Variants in NDE1 observed in about 807,000 individuals in gnomAD.
The protein encoded by NDE1 is nuclear distribution protein nudE homolog 1.
NDE1 carries 28 observed loss-of-function variants against 43.4 expected under a neutral mutation model. The observed-to-expected ratio is 0.65, with a 90% CI of 0.48 to 0.89. The LOEUF is 0.89. Ranked by LOEUF, NDE1 falls within the 40% of genes least tolerant of loss-of-function variation. NDE1 has a pLI of 0.00. For missense variants in NDE1, 441 were observed against 434.1 expected, an observed-to-expected ratio of 1.02 and a Z score of -0.14; for synonymous variants, 184 against 172.0, an observed-to-expected ratio of 1.07 and a Z score of -0.55.
rs555826994 is a variant in NDE1 at position 15,699,740 on chromosome 16, G to A, written c.947+2880G>A. ...TGCTCTGTCTGAAGGTTGGGGAAGC[G>A]CCTGGAATTTGGGAAGCCGCCTTCA... On this transcript the variant is annotated intron_variant, in intron 8 of 8. Transcript: ENST00000396354. 2.4e-5 allele frequency: 32 copies of A among 1,351,082 alleles called. 1 individual carries two copies. The South Asian group carries it at 2.4e-4, about 10-fold the overall frequency. The allele number at this position is 1,351,082 out of a possible 1,614,324, so 83.7% of individuals were successfully genotyped here. A position where few individuals can be genotyped will look rare whatever the true frequency, so the allele number is the denominator to read the frequency against.
chr16:15,668,098 G>A lies in NDE1; in HGVS notation c.237+659G>A, dbSNP rs530678084. Among the ~76,000 whole-genome samples, 3 of 152,094 alleles carry A rather than the reference G, an allele frequency of 2.0e-5. No individual in the cohort carries two copies. The East Asian group carries it at 5.8e-4, about 30-fold the overall frequency. On this transcript the variant is annotated intron_variant, in intron 3 of 8. Coordinates refer to ENST00000396354, the MANE Select transcript of NDE1 (RefSeq NM_017668.3). ...TCTCACCTGGGCCGGGCGAGGTGGT[G>A]CATACCTGTAATCCCAGCACTTTGG...
At chr16:15,645,314 C>G (rs1331950530), upstream of NDE1, among the ~76,000 whole-genome samples, 1 of 152,108 alleles carries the variant, frequency 6.6e-6, no homozygotes, top group African/African-American at 2.4e-5. Flanking sequence ...AAAGCTGTAA[C>G]TAGTCACAAC....
Position 15,724,538 on chromosome 16 carries a change from G to A in NDE1, c.*287G>A. 1.2e-6 allele frequency: 2 copies of A among 1,606,494 alleles called. No individual in the cohort carries two copies. Among genetic ancestry groups the A allele is most frequent in the East Asian group, 2.2e-5 (1 of 44,846 alleles). On this transcript the variant is annotated 3_prime_UTR_variant, in exon 9 of 9. Coordinates refer to ENST00000396354, the MANE Select transcript of NDE1 (RefSeq NM_017668.3). Reference sequence around the variant, plus strand: ...GAAACCCAATAGCAGGGGAAGCTGGGGGGTCAAGCACCATCGCACCAACAC... The same window carrying A: ...GAAACCCAATAGCAGGGGAAGCTGGAGGGTCAAGCACCATCGCACCAACAC...
intron 3 of NDE1, among the ~76,000 whole-genome samples, chr16:15,674,321 G>A (rs2037754081): frequency 6.6e-6 from 1 of 151,900 alleles, no homozygotes; most frequent in South Asian, 2.1e-4. Context: ...TCTGCTCACT[G>A]CAACCTCCGC....
chr16:15,685,168 CTT>C (rs567941912), intron 4 of NDE1, among the ~76,000 whole-genome samples: 266 of 152,290 alleles, frequency 1.7e-3, no homozygotes, highest in African/African-American at 6.1e-3. Context: ...AATATTTTAT[CTT>C]TGATATGTCA....
chr16:15,704,535 G>A (rs2039346400), intron 8 of NDE1, among the ~76,000 whole-genome samples: 1 of 152,216 alleles, frequency 6.6e-6, no homozygotes, highest in African/African-American at 2.4e-5. Flanking sequence ...CCATGGGGCA[G>A]AGTTGAAGAG....
chr16:15,674,659 A>T (rs140076895), intron 3 of NDE1, among the ~76,000 whole-genome samples: 3 of 152,288 alleles, frequency 2.0e-5, no homozygotes, highest in Admixed American at 6.5e-5. Flanking sequence ...AACCAAGTAC[A>T]TGCTGCTCTC....
chr16:15,683,696 A>G (rs1300860403), intron 4 of NDE1, among the ~76,000 whole-genome samples: 2 of 152,178 alleles, frequency 1.3e-5, no homozygotes, highest in Non-Finnish European at 2.9e-5. Flanking sequence ...TTTTCACTCC[A>G]GTTACAACTA....
chr16:15,682,507 C>G (rs34079460), intron 4 of NDE1, among the ~76,000 whole-genome samples: 1 of 152,184 alleles, frequency 6.6e-6, no homozygotes, highest in African/African-American at 2.4e-5. Flanking sequence ...TTCTTCTATA[C>G]GTCCCTCAAA....
chr16:15,691,025 C>G (rs1011975099), intron 5 of NDE1, 119 bp from the exon 6 acceptor site: 7 of 1,196,072 alleles, frequency 5.9e-6, no homozygotes, highest in Non-Finnish European at 7.3e-6. Flanking sequence ...TCAGGCTGGT[C>G]TCGAACTCCT....
At chr16:15,708,753 AG>A in intron 8 of NDE1, 1 of 1,573,538 alleles carries the variant, frequency 6.4e-7, no homozygotes, top group Admixed American at 1.9e-5. Context: ...TGGGCAGAAA[AG>A]AAATGGATAC....
intron 3 of NDE1, among the ~76,000 whole-genome samples, chr16:15,670,172 A>G (rs1040931397): frequency 2.0e-5 from 3 of 152,068 alleles, no homozygotes; most frequent in African/African-American, 7.2e-5. Flanking sequence ...TCTTTTTCTC[A>G]TTAAACTCCC....
At chr16:15,693,581 G>A (rs1283544555) in intron 6 of NDE1, among the ~76,000 whole-genome samples, 1 of 152,024 alleles carries the variant, frequency 6.6e-6, no homozygotes, top group African/African-American at 2.4e-5. Context: ...TGGGAGGATC[G>A]CTTGAAACTA....
chr16:15,705,357 G>T (rs2039389168), intron 8 of NDE1, among the ~76,000 whole-genome samples: 1 of 152,142 alleles, frequency 6.6e-6, no homozygotes, highest in South Asian at 2.1e-4. Context: ...CTCTGCGCTG[G>T]TTCTCTCTTG....
chr16:15,724,853 C>G lies in NDE1; in HGVS notation c.*602C>G. On this transcript the variant is annotated 3_prime_UTR_variant, in exon 9 of 9. Transcript: ENST00000396354. ...GGACCTGCCCCGAGGAAGGCCACCC[C>G]CCAGGTCCCCTGGATGATGTGGCAG... The G allele has an allele frequency of 6.2e-7, 1 of 1,613,820 alleles. No individual in the cohort carries two copies.
chr16:15,724,860 C>G lies in NDE1; in HGVS notation c.*609C>G. 6.2e-7 allele frequency: 1 copy of G among 1,613,792 alleles called. No individual in the cohort carries two copies. Among genetic ancestry groups the G allele is most frequent in the South Asian group, 1.1e-5 (1 of 91,084 alleles). On this transcript the variant is annotated 3_prime_UTR_variant, in exon 9 of 9. Transcript: ENST00000396354. Reference sequence around the variant, plus strand: ...CCCCGAGGAAGGCCACCCCCCAGGTCCCCTGGATGATGTGGCAGGACACTC... The same window carrying G: ...CCCCGAGGAAGGCCACCCCCCAGGTGCCCTGGATGATGTGGCAGGACACTC...
intron 5 of NDE1, 44 bp from the exon 6 acceptor site, chr16:15,691,100 G>C (rs368950053): frequency 6.2e-7 from 1 of 1,612,466 alleles, no homozygotes; most frequent in East Asian, 2.2e-5. Flanking sequence ...GAGCCACTGC[G>C]CCTGGCTGAG....
In NDE1 at chr16:15,717,165, C is replaced by T. The variant is rs1895647620; in HGVS notation, c.948-7026C>T. The T allele has an allele frequency of 1.9e-6, 3 of 1,614,088 alleles. No homozygotes were observed. The highest frequency in any genetic ancestry group is 2.5e-6 in the Non-Finnish European group (3 of 1,180,048). ...CTGGCCTCCTGCTCGACCTGCTCCT[C>T]CAGCTGTGCAATCTTGGCCTCCAGC... On this transcript the variant is annotated intron_variant, in intron 8 of 8. Coordinates refer to ENST00000396354, the MANE Select transcript of NDE1 (RefSeq NM_017668.3).
Position 15,677,814 on chromosome 16 carries a change from T to A in NDE1, c.251T>A (p.Val84Glu). ...ELETIKEKFEVQHSEGYRQIS... is the reference protein window; with the variant it reads ...ELETIKEKFEEQHSEGYRQIS... ...GTTGTCCTTCAGGAGAAGTTTGAAG[T>A]GCAGCACTCTGAAGGCTACCGGCAG... is the stretch of plus-strand genomic sequence containing the variant. Residue 84 changes from valine (V) to glutamate (E), a missense_variant, in exon 4 of 9, where the codon GTG (valine) becomes GAG (glutamate). Coordinates refer to ENST00000396354, the MANE Select transcript of NDE1 (RefSeq NM_017668.3). 1.2e-6 allele frequency: 2 copies of A among 1,614,104 alleles called. No homozygotes were observed. The highest frequency in any genetic ancestry group is 1.7e-6 in the Non-Finnish European group (2 of 1,180,034).
Sources: allele counts gnomAD v4.1 joint callset (sites outside exome capture counted in the v4.1 genomes callset), GRCh38; gene constraint gnomAD v4.1.1; transcripts MANE v1.5; gene names NCBI Gene and HGNC (gene_info 2026-07-23, HGNC 2026-07-21).